Variants in HIVEP2 observed in about 807,000 individuals in gnomAD.
HIVEP2 encodes transcription factor HIVEP2.
HIVEP2 carries 14 observed loss-of-function variants against 180.7 expected under a neutral mutation model. That is an observed-to-expected ratio of 0.08 (90% CI 0.05 to 0.12). The LOEUF is 0.12. HIVEP2 is among the 10% of genes least tolerant of loss of function. The pLI, the probability that HIVEP2 is intolerant of heterozygous loss-of-function variation, is 1.00. For missense variants in HIVEP2, 2,579 were observed against 3,008.5 expected, an observed-to-expected ratio of 0.86 and a Z score of 3.34; for synonymous variants, 1,184 against 1,136.4, an observed-to-expected ratio of 1.04 and a Z score of -0.84.
In HIVEP2 at chr6:142,775,517, A is replaced by G. The variant is rs138241684; in HGVS notation, c.-387-392T>C. Among the ~76,000 whole-genome samples the G allele has an allele frequency of 1.7e-4, 26 of 152,242 alleles. No homozygotes were observed. In the East Asian group the frequency reaches 4.2e-3, roughly 25 times the overall value. ...GCCAAAGTGTATTACATATCTCTAT[A>G]TAGAGATATGTTTTATAGCTTAATA... On this transcript the variant is annotated intron_variant, in intron 4 of 9. Transcript: ENST00000367603.
chr6:142,939,074 T>C, intron 1 of HIVEP2, among the ~76,000 whole-genome samples: 1 of 152,298 alleles, frequency 6.6e-6, no homozygotes, highest in Middle Eastern at 3.4e-3. Context: ...TATTTATAAA[T>C]ATATTCCGTA....
chr6:142,925,645 C>G (rs188466478), intron 1 of HIVEP2, among the ~76,000 whole-genome samples: 1 of 152,136 alleles, frequency 6.6e-6, no homozygotes, highest in South Asian at 2.1e-4. Flanking sequence ...AAAATGACAT[C>G]GTACTATATG....
At chr6:142,876,612 C>T (rs547222531) in intron 1 of HIVEP2, among the ~76,000 whole-genome samples, 69 of 152,058 alleles carry the variant, frequency 4.5e-4, no homozygotes, top group Non-Finnish European at 7.4e-4. Flanking sequence ...CATTGAGTGC[C>T]ACTAATCCCA....
intron 1 of HIVEP2, among the ~76,000 whole-genome samples, chr6:142,856,017 T>A (rs943566356): frequency 3.3e-5 from 5 of 152,206 alleles, no homozygotes; most frequent in African/African-American, 9.6e-5. Flanking sequence ...AAATTATGCT[T>A]GTTTGCTGGT....
chr6:142,861,921 C>G (rs1384444242), intron 1 of HIVEP2, among the ~76,000 whole-genome samples: 1 of 152,052 alleles, frequency 6.6e-6, no homozygotes, highest in East Asian at 1.9e-4. Flanking sequence ...TGGACAGCTG[C>G]AGGAAGATGG....
intron 2 of HIVEP2, among the ~76,000 whole-genome samples, chr6:142,814,056 G>A (rs1776770771): frequency 6.6e-6 from 1 of 151,802 alleles, no homozygotes; most frequent in Non-Finnish European, 1.5e-5. Flanking sequence ...TATGGACAAA[G>A]CACTAGCAAG....
chr6:142,881,556 G>T (rs996515474), intron 1 of HIVEP2, among the ~76,000 whole-genome samples: 4 of 152,108 alleles, frequency 2.6e-5, no homozygotes, highest in African/African-American at 9.7e-5. Flanking sequence ...TTAGAAGAAT[G>T]CCTTTAATAA....
In HIVEP2 at chr6:142,813,900, C is replaced by A. The variant is rs564600926; in HGVS notation, c.-528+23035G>T. On this transcript the variant is annotated intron_variant, in intron 2 of 9. Transcript: ENST00000367603. Reference sequence around the variant, plus strand: ...TTTTAATATATTTGGCTTCTCTTTACAATCTTTCCTCTATCATTTTATTGA... The same window carrying A: ...TTTTAATATATTTGGCTTCTCTTTAAAATCTTTCCTCTATCATTTTATTGA... 1.2e-4 allele frequency among the ~76,000 whole-genome samples: 19 copies of A among 152,014 alleles called. No individual in the cohort carries two copies. The South Asian group carries it at 4.0e-3, about 32-fold the overall frequency.
chr6:142,862,237 G>A (rs182622568), intron 1 of HIVEP2, among the ~76,000 whole-genome samples: 28 of 152,014 alleles, frequency 1.8e-4, no homozygotes, highest in African/African-American at 6.3e-4. Context: ...TTCCAGATGT[G>A]AAAGATAAGT....
chr6:142,882,234 T>C (rs931842555), intron 1 of HIVEP2, among the ~76,000 whole-genome samples: 1 of 152,176 alleles, frequency 6.6e-6, no homozygotes, highest in Non-Finnish European at 1.5e-5. Flanking sequence ...GTATGAAACA[T>C]TTTAAAACTT....
rs988625134 is a variant in HIVEP2, at chr6:142,773,714, G to T, written c.1025C>A (p.Ser342Tyr). The T allele has an allele frequency of 4.3e-6, 7 of 1,614,112 alleles. No individual in the cohort carries two copies. The highest frequency in any genetic ancestry group is 5.1e-6 in the Non-Finnish European group (6 of 1,180,020). The stretch of plus-strand genomic sequence containing the variant: ...TAGCATATCAGGGCCAATATACTGA[G>T]AGCTTTCATTAGGGAGAGGAATCCC... The part of the protein sequence containing the change: ...KSGIPLPNES[S>Y]QYIGPDMLPN... The change falls in exon 5 of 10, where the codon TCT becomes TAT. Residue 342 changes from serine to tyrosine, a missense_variant. Ser to Tyr is a moderately radical substitution (Grantham distance 144). Around this residue, in one of 11 missense-constraint regions of HIVEP2, gnomAD observed 142 missense variants for 135.2 expected, o/e 1.05. Coordinates refer to ENST00000367603, the MANE Select transcript of HIVEP2 (RefSeq NM_006734.4).
intron 1 of HIVEP2, among the ~76,000 whole-genome samples, chr6:142,864,728 C>T (rs1362205152): frequency 1.3e-5 from 2 of 152,134 alleles, no homozygotes; most frequent in East Asian, 3.9e-4. Flanking sequence ...TCTACTCATC[C>T]TCCAAAATAA....
chr6:142,753,544 G>T lies in HIVEP2; in HGVS notation c.6904C>A (p.Pro2302Thr). 1 of 1,614,230 alleles carries T rather than the reference G, an allele frequency of 6.2e-7. No homozygotes were observed. Among genetic ancestry groups the T allele is most frequent in the South Asian group, 1.1e-5 (1 of 91,084 alleles). Residue 2302 changes from proline (P) to threonine (T), a missense_variant, in exon 10 of 10, where the codon CCT becomes ACT. Coordinates refer to ENST00000367603, the MANE Select transcript of HIVEP2 (RefSeq NM_006734.4). ...SSGPPSTPSS[P>T]RLLMKQSTSE... is the part of the protein sequence containing the mutation. ...GTGCTCTGTTTCATCAACAGCCGAG[G>T]AGAGGAGGGAGTGCTAGGTGGACCA... is the stretch of plus-strand genomic sequence containing the variant.
intron 2 of HIVEP2, among the ~76,000 whole-genome samples, chr6:142,835,844 A>G (rs907212090): frequency 1.3e-5 from 2 of 152,214 alleles, no homozygotes; most frequent in African/African-American, 4.8e-5. Context: ...ATTATTTTAG[A>G]CAAAGCTTAG....
intron 2 of HIVEP2, among the ~76,000 whole-genome samples, chr6:142,818,747 AAG>A (rs1776932820): frequency 1.4e-5 from 2 of 143,316 alleles, no homozygotes; most frequent in Non-Finnish European, 3.0e-5. Flanking sequence ...GAAAGAAAGA[AAG>A]AAAGAAAGAA....
At chr6:142,833,937 A>T (rs1486690193) in intron 2 of HIVEP2, among the ~76,000 whole-genome samples, 1 of 152,216 alleles carries the variant, frequency 6.6e-6, no homozygotes, top group Non-Finnish European at 1.5e-5. Context: ...GAAGACTTGT[A>T]TGCATCTGAA....
intron 2 of HIVEP2, among the ~76,000 whole-genome samples, chr6:142,785,197 C>G (rs1775958259): frequency 6.6e-6 from 1 of 151,144 alleles, no homozygotes; most frequent in South Asian, 2.1e-4. Context: ...CCAACTATAT[C>G]TATATTTTTA....
chr6:142,807,712 C>A (rs478768), intron 2 of HIVEP2, among the ~76,000 whole-genome samples: 83,485 of 151,872 alleles, frequency 0.55, 25,282 homozygotes, highest in Non-Finnish European at 0.68. Context: ...GAGACAAAAC[C>A]TTTGCAATAT....
chr6:142,886,048 T>G (rs1304949208), intron 1 of HIVEP2, among the ~76,000 whole-genome samples: 1 of 152,212 alleles, frequency 6.6e-6, no homozygotes, highest in African/African-American at 2.4e-5. Flanking sequence ...TAAAGCTTAA[T>G]TACAAATTTC....
Sources: gnomAD v4.1 joint callset for allele counts (sites outside exome capture counted in the v4.1 genomes callset) on GRCh38, gnomAD v4.1.1 for gene constraint, gnomAD v4.1.1 regional missense constraint, MANE v1.5 for transcripts, NCBI Gene and HGNC (gene_info 2026-07-23, HGNC 2026-07-21) for gene names.